AP4S1: variants seen among roughly 807,000 people sequenced by gnomAD.
AP4S1 encodes the protein AP-4 complex subunit sigma-1.
A neutral mutation model predicts 19.8 loss-of-function variants in AP4S1; 23 were observed. The ratio of observed to expected loss-of-function variants is 1.16; its 90% CI spans 0.84 to 1.65. The LOEUF (loss-of-function observed/expected upper bound fraction) is 1.65. AP4S1 is among the 40% of genes most tolerant of loss of function. The pLI, the probability that AP4S1 is intolerant of heterozygous loss-of-function variation, is 0.00. For missense variants in AP4S1, 166 were observed against 172.8 expected, an observed-to-expected ratio of 0.96 and a Z score of 0.22; for synonymous variants, 46 against 54.1, an observed-to-expected ratio of 0.85 and a Z score of 0.66.
intron 2 of AP4S1, among the ~76,000 whole-genome samples, chr14:31,068,994 A>G (rs1886864615): frequency 1.3e-5 from 2 of 152,176 alleles, no homozygotes; most frequent in Non-Finnish European, 2.9e-5. Flanking sequence ...ATAAAAGCCT[A>G]AATTCCTCCA....
intron 5 of AP4S1, among the ~76,000 whole-genome samples, chr14:31,082,958 C>T (rs1221186393): frequency 6.6e-6 from 1 of 151,992 alleles, no homozygotes; most frequent in African/African-American, 2.4e-5. Context: ...TTGATGTTGC[C>T]ATGACTTTAG....
At chr14:31,028,869 G>A (rs1187944440) in intron 1 of AP4S1, among the ~76,000 whole-genome samples, 1 of 152,186 alleles carries the variant, frequency 6.6e-6, no homozygotes, top group Non-Finnish European at 1.5e-5. Context: ...GTGAAAGAGA[G>A]AGTGAGATTC....
intron 1 of AP4S1, among the ~76,000 whole-genome samples, chr14:31,054,436 C>T (rs1210132300): frequency 6.6e-6 from 1 of 152,002 alleles, no homozygotes; most frequent in Non-Finnish European, 1.5e-5. Flanking sequence ...GTAATCCCAG[C>T]ATTTTGGGAG....
intron 1 of AP4S1, among the ~76,000 whole-genome samples, chr14:31,030,603 C>T (rs1043580082): frequency 1.3e-5 from 2 of 152,152 alleles, no homozygotes; most frequent in Non-Finnish European, 2.9e-5. Flanking sequence ...CCTTCCTTGG[C>T]GTCCCAAAGT....
intron 5 of AP4S1, chr14:31,085,962 C>G (rs1887903959): frequency 2.5e-6 from 1 of 392,354 alleles, no homozygotes; most frequent in Non-Finnish European, 3.5e-6. Context: ...TGTGCACTCT[C>G]TGTGACTCCG....
chr14:31,085,146 C>T, intron 5 of AP4S1: 2 of 1,249,808 alleles, frequency 1.6e-6, no homozygotes, highest in Non-Finnish European at 2.0e-6. Flanking sequence ...TCGCCAGCAC[C>T]CTTTCCCCAT....
intron 1 of AP4S1, among the ~76,000 whole-genome samples, chr14:31,060,275 T>C (rs61976849): frequency 0.32 from 48,540 of 151,750 alleles, 8,198 homozygotes; most frequent in African/African-American, 0.41. Context: ...CTGATTTTTG[T>C]GTAGGTAGGT....
intron 2 of AP4S1, among the ~76,000 whole-genome samples, chr14:31,067,304 G>T (rs865837837): frequency 6.7e-6 from 1 of 150,358 alleles, no homozygotes; most frequent in African/African-American, 2.4e-5. Flanking sequence ...TTAAGTTCTA[G>T]GGTACATGTG....
rs187184337 is a variant in AP4S1 at position 31,092,871 on chromosome 14, T to G, written c.307-36T>G. On this transcript the variant is annotated intron_variant, in intron 5 of 5. Transcript: ENST00000542754. ...AAATTTTTACTGAATGTTAATAATT[T>G]TTAACTTTAAACTAATTTCCTTAAT... 6,451 of 1,447,894 alleles carry G rather than the reference T, an allele frequency of 4.5e-3. 240 individuals carry two copies. The African/African-American group carries it at 0.08, about 18-fold the overall frequency. 89.7% of individuals were successfully genotyped at this position (1,447,894 alleles called of 1,614,324 possible). A position where few individuals can be genotyped will look rare whatever the true frequency, so the allele number is the denominator to read the frequency against.
At chr14:31,090,441 T>A (rs1000995519) in intron 5 of AP4S1, among the ~76,000 whole-genome samples, 1 of 152,200 alleles carries the variant, frequency 6.6e-6, no homozygotes, top group Admixed American at 6.5e-5. Flanking sequence ...CTCCGCTCTT[T>A]GGGAGATTGT....
At chr14:31,048,752 A>G (rs1476047442) in intron 1 of AP4S1, among the ~76,000 whole-genome samples, 1 of 152,004 alleles carries the variant, frequency 6.6e-6, no homozygotes, top group South Asian at 2.1e-4. Context: ...CAAAAAAACA[A>G]ATCTAGCCAC....
chr14:31,049,644 T>A (rs1885667267), intron 1 of AP4S1, among the ~76,000 whole-genome samples: 2 of 151,560 alleles, frequency 1.3e-5, no homozygotes, highest in South Asian at 4.2e-4. Flanking sequence ...CTTTATTTTT[T>A]AAAATTTTTA....
intron 3 of AP4S1, among the ~76,000 whole-genome samples, chr14:31,071,252 A>G (rs1443455607): frequency 6.6e-6 from 1 of 152,218 alleles, no homozygotes; most frequent in East Asian, 1.9e-4. Flanking sequence ...TCCATGAACC[A>G]AACTTTGAAG....
chr14:31,078,731 A>C (rs1887491198), intron 4 of AP4S1, among the ~76,000 whole-genome samples: 1 of 152,214 alleles, frequency 6.6e-6, no homozygotes, highest in Non-Finnish European at 1.5e-5. Context: ...CAGTGACCAC[A>C]TAAACCACGA....
At chr14:31,069,799 C>G (rs373434958) in intron 2 of AP4S1, 44 bp from the exon 3 acceptor site, 7 of 1,442,702 alleles carry the variant, frequency 4.9e-6, no homozygotes, top group Non-Finnish European at 6.8e-6. Context: ...TTAAAGAACT[C>G]TCTCTCAGCC....
intron 1 of AP4S1, among the ~76,000 whole-genome samples, chr14:31,035,933 T>C (rs964249504): frequency 2.0e-5 from 3 of 151,934 alleles, no homozygotes; most frequent in Admixed American, 6.6e-5. Context: ...GGTTTCACCA[T>C]GTTAGCCAGG....
intron 5 of AP4S1, among the ~76,000 whole-genome samples, chr14:31,089,163 CAAAA>C (rs34280899): frequency 6.6e-5 from 7 of 105,912 alleles, no homozygotes; most frequent in Non-Finnish European, 8.2e-5. Flanking sequence ...TTGTCTTAAC[CAAAA>C]AAAAAAAAAA....
In AP4S1 at chr14:31,095,219, A is replaced by ACTT. The variant is rs1888171048; in HGVS notation, c.*2185_*2187dup. 1 of 152,180 alleles carries ACTT rather than the reference A, an allele frequency of 6.6e-6. No individual in the cohort carries two copies. Among genetic ancestry groups the ACTT allele is most frequent in the Non-Finnish European group, 1.5e-5 (1 of 68,044 alleles). The allele number at this position is 152,180 out of a possible 1,614,324, so 9.4% of individuals were successfully genotyped here. A position where few individuals can be genotyped will look rare whatever the true frequency, so the allele number is the denominator to read the frequency against. ...AAAAACACAAAAACAAAACAAAAAAACTTTTATAACATGTACCTAACAAAG... is the reference window on the plus strand; with the variant it reads ...AAAAACACAAAAACAAAACAAAAAAACTTCTTTTATAACATGTACCTAACAAAG... On this transcript the variant is annotated 3_prime_UTR_variant, in exon 6 of 6. Coordinates refer to ENST00000542754, the MANE Select transcript of AP4S1 (RefSeq NM_001128126.3).
chr14:31,048,633 G>A (rs932706064), intron 1 of AP4S1, among the ~76,000 whole-genome samples: 3 of 152,048 alleles, frequency 2.0e-5, no homozygotes, highest in African/African-American at 4.8e-5. Flanking sequence ...CAGCTACTTG[G>A]GAGGCTGAGG....
Sources: gnomAD v4.1 joint callset for allele counts (sites outside exome capture counted in the v4.1 genomes callset) on GRCh38, gnomAD v4.1.1 for gene constraint, MANE v1.5 for transcripts, NCBI Gene and HGNC (gene_info 2026-07-23, HGNC 2026-07-21) for gene names.